Variants in RHAG observed in about 807,000 individuals in gnomAD.
RHAG encodes ammonium transporter Rh type A.
In RHAG, 25 loss-of-function variants were observed where a neutral mutation model predicts 42.4. The ratio of observed to expected loss-of-function variants is 0.59; its 90% CI spans 0.43 to 0.82. RHAG has a LOEUF of 0.82. Among genes scored for constraint, RHAG ranks in the 40% least tolerant of loss-of-function variants. The pLI is 0.00. For synonymous variants in RHAG, 182 were observed against 177.7 expected (o/e 1.02, Z -0.19); for missense variants, 483 against 504.6 (o/e 0.96, Z 0.41).
intron 1 of RHAG, among the ~76,000 whole-genome samples, chr6:49,632,583 A>G (rs955079531): frequency 6.6e-6 from 1 of 152,182 alleles, no homozygotes. Context: ...GAAGACCTGT[A>G]TAAGTCAGTG....
intron 1 of RHAG, chr6:49,632,192 T>A (rs930243585): frequency 6.6e-6 from 1 of 152,206 alleles, no homozygotes; most frequent in Admixed American, 6.5e-5. Context: ...AAAGCACTAC[T>A]GAAATGTGAT....
chr6:49,631,639 G>T (rs1267811418), intron 1 of RHAG, among the ~76,000 whole-genome samples: 5 of 152,086 alleles, frequency 3.3e-5, no homozygotes. Context: ...GCCCCAACCT[G>T]GAACCAGCAA....
At chr6:49,608,473 GTT>G (rs68045471) in intron 7 of RHAG, among the ~76,000 whole-genome samples, 31,227 of 151,990 alleles carry the variant, frequency 0.21, 3,963 homozygotes, top group Middle Eastern at 0.28. Context: ...TCCTCCCCGC[GTT>G]CAAGCAATTC....
Position 49,605,820 on chromosome 6 carries a change from G to T in RHAG, c.1223C>A (p.Thr408Lys). ...ATGGAACTGATTGTCAAGTTATCTCGTCTTAGGGACCTTTAAAAAAACAAG... is the reference window on the plus strand; with the variant it reads ...ATGGAACTGATTGTCAAGTTATCTCTTCTTAGGGACCTTTAAAAAAACAAG... The part of the protein sequence containing the change: ...DDSVYWKVPK[T>K]R The change falls in exon 10 of 10, where the codon ACG becomes AAG. Residue 408 changes from threonine (T) to lysine (K), a missense_variant. Physicochemically the swap from Thr to Lys is moderately conservative, Grantham distance 78. Coordinates refer to ENST00000371175, the MANE Select transcript of RHAG (RefSeq NM_000324.3). 6.2e-7 allele frequency: 1 copy of T among 1,612,986 alleles called. No homozygotes were observed.
intron 7 of RHAG, among the ~76,000 whole-genome samples, chr6:49,610,634 A>C (rs993096463): frequency 6.6e-6 from 1 of 152,062 alleles, no homozygotes; most frequent in Non-Finnish European, 1.5e-5. Context: ...TATTATTCCA[A>C]CTCATCCTTC....
chr6:49,632,712 C>A (rs1274228777), intron 1 of RHAG, among the ~76,000 whole-genome samples: 1 of 152,032 alleles, frequency 6.6e-6, no homozygotes, highest in Non-Finnish European at 1.5e-5. Flanking sequence ...ATAAAAAAAT[C>A]ATTAATATGA....
chr6:49,606,509 C>T (rs975415833), intron 9 of RHAG, among the ~76,000 whole-genome samples: 1 of 152,050 alleles, frequency 6.6e-6, no homozygotes, highest in African/African-American at 2.4e-5. Flanking sequence ...TGGCTGGGCA[C>T]ATCATCTCAA....
intron 1 of RHAG, among the ~76,000 whole-genome samples, chr6:49,634,992 G>C (rs1307692880): frequency 7.1e-6 from 1 of 141,374 alleles, no homozygotes; most frequent in Admixed American, 7.2e-5. Context: ...GTGTATACCT[G>C]TGTGTGTCGG....
chr6:49,617,448 C>T lies in RHAG; in HGVS notation c.492+620G>A, dbSNP rs9381808. Among the ~76,000 whole-genome samples the T allele has an allele frequency of 1.0e-3, 152 of 152,190 alleles. 1 individual carries two copies. In the East Asian group the frequency reaches 0.027, roughly 27 times the overall value. The stretch of plus-strand genomic sequence containing the variant: ...TCTGTCTCTCCCACTAGAGTGTAAG[C>T]TCTATAAAAACAGGAACTTTCATAT... On this transcript the variant is annotated intron_variant, in intron 3 of 9. Coordinates refer to ENST00000371175, the MANE Select transcript of RHAG (RefSeq NM_000324.3).
At chr6:49,612,073 C>T (rs912901961) in intron 6 of RHAG, among the ~76,000 whole-genome samples, 1 of 152,028 alleles carries the variant, frequency 6.6e-6, no homozygotes, top group Non-Finnish European at 1.5e-5. Context: ...CTTAAAAGAG[C>T]AGAGTCCTTA....
At chr6:49,617,201 T>C (rs1484644052) in intron 3 of RHAG, among the ~76,000 whole-genome samples, 2 of 152,206 alleles carry the variant, frequency 1.3e-5, no homozygotes, top group African/African-American at 4.8e-5. Context: ...AAAGAACTTT[T>C]CTCCCCATTA....
intron 4 of RHAG, 94 bp downstream of exon 4, chr6:49,615,530 T>G: frequency 1.4e-6 from 2 of 1,395,618 alleles, no homozygotes; most frequent in Non-Finnish European, 2.0e-6. Context: ...CTGGCTTGGA[T>G]GTTCTTTTTG....
At chr6:49,611,826 C>A (rs1176657928) in intron 6 of RHAG, among the ~76,000 whole-genome samples, 1 of 151,762 alleles carries the variant, frequency 6.6e-6, no homozygotes, top group South Asian at 2.1e-4. Flanking sequence ...ACTGCAACCT[C>A]CACCTCCCGG....
intron 5 of RHAG, among the ~76,000 whole-genome samples, chr6:49,613,965 T>G (rs1762608057): frequency 6.6e-6 from 1 of 152,236 alleles, no homozygotes; most frequent in African/African-American, 2.4e-5. Context: ...GAGGAATGTT[T>G]GCAGTTGGGA....
At chr6:49,610,292 C>T (rs1360512244) in intron 7 of RHAG, among the ~76,000 whole-genome samples, 2 of 152,162 alleles carry the variant, frequency 1.3e-5, no homozygotes, top group African/African-American at 4.8e-5. Flanking sequence ...GTGATCTGGA[C>T]TCTATGATCT....
chr6:49,626,288 A>G (rs1459580711), intron 1 of RHAG, among the ~76,000 whole-genome samples: 1 of 152,172 alleles, frequency 6.6e-6, no homozygotes, highest in Admixed American at 6.5e-5. Context: ...TACTTCCTAG[A>G]CACAGTGGGG....
At chr6:49,630,954 A>G (rs1254213414) in intron 1 of RHAG, among the ~76,000 whole-genome samples, 1 of 152,202 alleles carries the variant, frequency 6.6e-6, no homozygotes, top group African/African-American at 2.4e-5. Flanking sequence ...CAGTTCTCTT[A>G]CATGCTTTTC....
intron 7 of RHAG, 24 bp downstream of exon 7, chr6:49,611,000 T>C (rs752901777): frequency 6.2e-7 from 1 of 1,613,576 alleles, no homozygotes; most frequent in Admixed American, 1.7e-5. Flanking sequence ...CCACAGGGGC[T>C]GAAAAACCCA....
At chr6:49,608,195 A>G (rs1233854252) in intron 7 of RHAG, among the ~76,000 whole-genome samples, 1 of 152,140 alleles carries the variant, frequency 6.6e-6, no homozygotes, top group Admixed American at 6.6e-5. Flanking sequence ...TGTTTTAGGG[A>G]TCCGTTTATG....
Sources: gnomAD v4.1 joint callset for allele counts (sites outside exome capture counted in the v4.1 genomes callset) on GRCh38, gnomAD v4.1.1 for gene constraint, MANE v1.5 for transcripts, NCBI Gene and HGNC (gene_info 2026-07-23, HGNC 2026-07-21) for gene names.